TBC1D8: variants seen among roughly 807,000 people sequenced by gnomAD.
TBC1D8 encodes TBC1 domain family member 8.
Under a neutral mutation model 118.8 loss-of-function variants are expected in TBC1D8, and 65 were observed. The observed-to-expected ratio is 0.55, with a 90% CI of 0.45 to 0.67. The LOEUF (loss-of-function observed/expected upper bound fraction) is 0.67. Ranked by LOEUF, TBC1D8 falls within the 30% of genes least tolerant of loss-of-function variation. The pLI is 0.00. For missense variants in TBC1D8, 1,376 were observed against 1,471.2 expected (o/e 0.94, Z 1.06); for synonymous variants, 566 against 595.8 (o/e 0.95, Z 0.73).
At chr2:101,010,868 C>T (rs911668362) in intron 19 of TBC1D8, 61 bp downstream of exon 19, 60 of 1,401,930 alleles carry the variant, frequency 4.3e-5, no homozygotes, top group South Asian at 3.5e-4. Context: ...GGCGACAGAG[C>T]GAGACTCCAT....
Position 101,007,883 on chromosome 2 carries a change from T to C in TBC1D8, c.3406A>G (p.Asn1136Asp), listed in dbSNP as rs776084703. Reference protein sequence around the residue: ...KLENAKINQYNLKTFEMSHQS... With the variant: ...KLENAKINQYDLKTFEMSHQS... ...TGGCTCATTTCAAAAGTTTTGAGAT[T>C]GTACTGATTGATCTTGGCATTTTCA... The change falls in exon 20 of 20, where the codon AAT becomes GAT. Residue 1136 changes from asparagine (N) to aspartate (D), a missense_variant. By Grantham distance (23) the Asn-to-Asp change is conservative. Coordinates refer to ENST00000409318, the MANE Select transcript of TBC1D8 (RefSeq NM_001330348.2). 7 of 1,614,036 alleles carry C rather than the reference T, an allele frequency of 4.3e-6. No individual in the cohort carries two copies. The South Asian group carries it at 6.6e-5, about 15-fold the overall frequency.
chr2:101,111,880 T>C lies in TBC1D8; in HGVS notation c.128-21516A>G, dbSNP rs149360814. Among the ~76,000 whole-genome samples the C allele has an allele frequency of 2.6e-5, 4 of 151,480 alleles. No homozygotes were observed. The East Asian group carries it at 7.8e-4, about 30-fold the overall frequency. ...ACCAAACTGTACATTTAACAGTGGTTACAATGGTCAAATGTTGTGTACTTG... is the reference window on the plus strand; with the variant it reads ...ACCAAACTGTACATTTAACAGTGGTCACAATGGTCAAATGTTGTGTACTTG... On this transcript the variant is annotated intron_variant, in intron 1 of 19. Transcript: ENST00000409318.
intron 1 of TBC1D8, among the ~76,000 whole-genome samples, chr2:101,127,387 A>T (rs1398132588): frequency 1.3e-5 from 2 of 152,064 alleles, no homozygotes; most frequent in Non-Finnish European, 2.9e-5. Context: ...TATGGCCCTA[A>T]AGATCTTAGA....
intron 1 of TBC1D8, among the ~76,000 whole-genome samples, chr2:101,108,025 G>A (rs145245392): frequency 1.5e-3 from 219 of 148,414 alleles, no homozygotes; most frequent in African/African-American, 5.2e-3. Context: ...CACTGCATTC[G>A]AGCCTGGGCA....
At chr2:101,015,728 T>C (rs1017873496) in intron 17 of TBC1D8, among the ~76,000 whole-genome samples, 2 of 152,116 alleles carry the variant, frequency 1.3e-5, no homozygotes, top group Admixed American at 6.5e-5. Context: ...AACAGAGATA[T>C]AGATCAATGG....
In TBC1D8 at chr2:101,037,720, G is replaced by A. The variant is rs1681107822; in HGVS notation, c.1276-12C>T. The A allele has an allele frequency of 1.2e-6, 2 of 1,611,686 alleles. No individual in the cohort carries two copies. Among genetic ancestry groups the A allele is most frequent in the East Asian group, 4.5e-5 (2 of 44,872 alleles). On this transcript the variant is annotated splice_polypyrimidine_tract_variant and intron_variant, in intron 7 of 19. Coordinates refer to ENST00000409318, the MANE Select transcript of TBC1D8 (RefSeq NM_001330348.2). ...AACACGAGTGAAGCCTGCACAGCAA[G>A]AGAGACAGAGACAGAGAGAGAGAGG...
chr2:101,136,435 C>T (rs1005988751), intron 1 of TBC1D8, among the ~76,000 whole-genome samples: 10 of 152,180 alleles, frequency 6.6e-5, no homozygotes, highest in Admixed American at 2.6e-4. Flanking sequence ...GATTCTTGTA[C>T]AGCCTGCAGA....
At chr2:101,076,566 G>A (rs1438930425) in intron 2 of TBC1D8, among the ~76,000 whole-genome samples, 1 of 152,214 alleles carries the variant, frequency 6.6e-6, no homozygotes, top group African/African-American at 2.4e-5. Flanking sequence ...GTTAAATGAT[G>A]CCCTGAGGGA....
chr2:101,054,545 T>C (rs1682271364), intron 3 of TBC1D8, among the ~76,000 whole-genome samples: 1 of 151,052 alleles, frequency 6.6e-6, no homozygotes, highest in Admixed American at 6.6e-5. Flanking sequence ...AAAAAAGGAA[T>C]GGCAGTCGGG....
At chr2:101,144,591 A>C (rs1679246639) in intron 1 of TBC1D8, among the ~76,000 whole-genome samples, 1 of 152,184 alleles carries the variant, frequency 6.6e-6, no homozygotes, top group Admixed American at 6.5e-5. Flanking sequence ...TTTTTAAAAT[A>C]GGGGGAAAAA....
At chr2:101,123,877 C>T (rs1558721015) in intron 1 of TBC1D8, among the ~76,000 whole-genome samples, 1 of 152,150 alleles carries the variant, frequency 6.6e-6, no homozygotes, top group Non-Finnish European at 1.5e-5. Flanking sequence ...CCCCTCCTGG[C>T]ACATCAGCAT....
intron 5 of TBC1D8, among the ~76,000 whole-genome samples, chr2:101,040,631 G>A (rs1573920413): frequency 4.6e-5 from 7 of 152,048 alleles, no homozygotes; most frequent in Middle Eastern, 3.4e-3. Flanking sequence ...CACCGCGCCC[G>A]GCTAATTTTT....
In TBC1D8 at chr2:101,037,703, T is replaced by C; in HGVS notation, c.1281A>G (p.Ser427=). 6.2e-7 allele frequency: 1 copy of C among 1,612,904 alleles called. No homozygotes were observed. Among genetic ancestry groups the C allele is most frequent in the Non-Finnish European group, 8.5e-7 (1 of 1,179,856 alleles). The part of the protein sequence containing the change: ...YDTSADDDMA[S]LVFHSTSMCS... ...ACATGCTTGTTGAATGAAACACGAG[T>C]GAAGCCTGCACAGCAAGAGAGACAG... The change falls in exon 8 of 20, where the codon TCA becomes TCG. Residue 427 remains serine (S), a synonymous_variant. Transcript: ENST00000409318.
chr2:101,032,195 T>C, intron 11 of TBC1D8, 73 bp downstream of exon 11: 1 of 1,376,150 alleles, frequency 7.3e-7, no homozygotes, highest in Non-Finnish European at 1.0e-6. Flanking sequence ...TAAACAGGAC[T>C]GATGAGAAAC....
Position 101,010,825 on chromosome 2 carries a change from T to C in TBC1D8, c.3015+104A>G, listed in dbSNP as rs979040913. 2.7e-5 allele frequency: 24 copies of C among 887,044 alleles called. No individual in the cohort carries two copies. The African/African-American group carries it at 3.8e-4, about 14-fold the overall frequency. 54.9% of individuals were successfully genotyped at this position (887,044 alleles called of 1,614,324 possible). A position where few individuals can be genotyped will look rare whatever the true frequency, so the allele number is the denominator to read the frequency against. Reference sequence around the variant, plus strand: ...TGAACCCTGGAGGTGGAGGTTGCAGTGGGCTGAGATCGCGCCACTGTACTC... The same window carrying C: ...TGAACCCTGGAGGTGGAGGTTGCAGCGGGCTGAGATCGCGCCACTGTACTC... On this transcript the variant is annotated intron_variant, in intron 19 of 19. Transcript: ENST00000409318.
intron 1 of TBC1D8, among the ~76,000 whole-genome samples, chr2:101,101,636 T>C (rs557641620): frequency 2.0e-5 from 3 of 152,154 alleles, no homozygotes; most frequent in Non-Finnish European, 2.9e-5. Context: ...AGCAAAGACA[T>C]GGAAACAACC....
At chr2:101,077,578 G>C (rs35792133) in intron 2 of TBC1D8, among the ~76,000 whole-genome samples, 32,036 of 152,008 alleles carry the variant, frequency 0.21, 3,675 homozygotes, top group Middle Eastern at 0.33. Context: ...ACGAGATCTC[G>C]TAAGAATTCA....
Position 101,037,715 on chromosome 2 carries a change from A to G in TBC1D8, c.1276-7T>C. 1.2e-6 allele frequency: 2 copies of G among 1,612,348 alleles called. No individual in the cohort carries two copies. Among genetic ancestry groups the G allele is most frequent in the Non-Finnish European group, 1.7e-6 (2 of 1,179,896 alleles). ...AATGAAACACGAGTGAAGCCTGCAC[A>G]GCAAGAGAGACAGAGACAGAGAGAG... is the stretch of plus-strand genomic sequence containing the variant. On this transcript the variant is annotated splice_region_variant and splice_polypyrimidine_tract_variant and intron_variant, in intron 7 of 19. Transcript: ENST00000409318.
chr2:101,076,189 G>C (rs994758576), intron 2 of TBC1D8, among the ~76,000 whole-genome samples: 1 of 152,166 alleles, frequency 6.6e-6, no homozygotes, highest in Admixed American at 6.5e-5. Flanking sequence ...ACTAGTTGAA[G>C]AGACAAAGTT....
Sources: allele counts gnomAD v4.1 joint callset (sites outside exome capture counted in the v4.1 genomes callset), GRCh38; gene constraint gnomAD v4.1.1; transcripts MANE v1.5; gene names NCBI Gene and HGNC (gene_info 2026-07-23, HGNC 2026-07-21).